Variants in CADM1 observed in about 807,000 individuals in gnomAD.
CADM1 encodes TSLC-1.
Under a neutral mutation model 53.1 loss-of-function variants are expected in CADM1, and 15 were observed. The observed-to-expected ratio is 0.28, with a 90% CI of 0.19 to 0.44. The LOEUF is 0.44. CADM1 is among the 20% of genes least tolerant of loss of function. The pLI is 1.00. For synonymous variants in CADM1, 281 were observed against 243.0 expected (o/e 1.16, Z -1.45); for missense variants, 434 against 611.3 (o/e 0.71, Z 3.06).
rs888755214 is a variant in CADM1 at position 115,175,814 on chromosome 11, T to A, written c.*660A>T. On this transcript the variant is annotated 3_prime_UTR_variant, in exon 12 of 12. Transcript: ENST00000331581. ...TCTGAATCACAGTCTAATTTTCTAG[T>A]CTTCACTGCTCTAAGTATTTGAAAC... The A allele has an allele frequency of 1.0e-6, 1 of 992,228 alleles. No homozygotes were observed. Among genetic ancestry groups the A allele is most frequent in the Non-Finnish European group, 1.2e-6 (1 of 833,978 alleles). 61.5% of individuals were successfully genotyped at this position (992,228 alleles called of 1,614,324 possible). A position where few individuals can be genotyped will look rare whatever the true frequency, so the allele number is the denominator to read the frequency against.
intron 1 of CADM1, among the ~76,000 whole-genome samples, chr11:115,443,470 T>C (rs1380397743): frequency 6.6e-6 from 1 of 152,182 alleles, no homozygotes. Flanking sequence ...GCATTGCCTC[T>C]CTCTGGAGTT....
chr11:115,387,395 T>G (rs553225680), intron 1 of CADM1, among the ~76,000 whole-genome samples: 1 of 151,440 alleles, frequency 6.6e-6, no homozygotes, highest in African/African-American at 2.4e-5. Context: ...GAAAGGAAAA[T>G]GAAGCAAAGG....
intron 1 of CADM1, among the ~76,000 whole-genome samples, chr11:115,449,392 G>T (rs1948522742): frequency 6.6e-6 from 1 of 152,130 alleles, no homozygotes; most frequent in Non-Finnish European, 1.5e-5. Flanking sequence ...GAGGCTCAAT[G>T]GTCTTACCAG....
intron 1 of CADM1, among the ~76,000 whole-genome samples, chr11:115,318,624 G>A (rs1157326187): frequency 6.6e-6 from 1 of 152,172 alleles, no homozygotes; most frequent in East Asian, 1.9e-4. Flanking sequence ...TGATCTTGTA[G>A]ATAGTGAAGA....
chr11:115,318,313 C>A (rs1473297991), intron 1 of CADM1, among the ~76,000 whole-genome samples: 1 of 152,084 alleles, frequency 6.6e-6, no homozygotes, highest in Non-Finnish European at 1.5e-5. Flanking sequence ...ATCTGTTGGC[C>A]TCATAAATAA....
chr11:115,439,316 A>G (rs1948255744), intron 1 of CADM1, among the ~76,000 whole-genome samples: 1 of 152,190 alleles, frequency 6.6e-6, no homozygotes, highest in South Asian at 2.1e-4. Context: ...TTTCAAGAAG[A>G]GCCTAGATAG....
chr11:115,309,991 A>T (rs1944487579), intron 1 of CADM1, among the ~76,000 whole-genome samples: 1 of 152,176 alleles, frequency 6.6e-6, no homozygotes, highest in African/African-American at 2.4e-5. Flanking sequence ...TAGTTAATGC[A>T]GAATGGCATG....
chr11:115,435,371 A>T (rs1401861601), intron 1 of CADM1, among the ~76,000 whole-genome samples: 2 of 152,188 alleles, frequency 1.3e-5, no homozygotes, highest in Non-Finnish European at 2.9e-5. Flanking sequence ...CTTGATCAAA[A>T]TCAAAAGAAT....
rs543467563 is a variant in CADM1 at position 115,482,072 on chromosome 11, T to C, written c.124+22199A>G. Among the ~76,000 whole-genome samples the C allele has an allele frequency of 1.8e-4, 27 of 152,294 alleles. 1 individual carries two copies. The South Asian group carries it at 5.4e-3, about 30-fold the overall frequency. ...TATTCCCCTCAGCCATAGCAAACTA[T>C]CTGCAGTTCCCAGAATCCCCCATGC... On this transcript the variant is annotated intron_variant, in intron 1 of 11. Transcript: ENST00000331581.
chr11:115,248,485 T>A (rs951031548), intron 1 of CADM1, among the ~76,000 whole-genome samples: 1 of 152,110 alleles, frequency 6.6e-6, no homozygotes, highest in African/African-American at 2.4e-5. Context: ...GTGACACCCA[T>A]CCACTAAACT....
At chr11:115,255,029 A>T (rs1437649417) in intron 1 of CADM1, among the ~76,000 whole-genome samples, 1 of 152,172 alleles carries the variant, frequency 6.6e-6, no homozygotes, top group South Asian at 2.1e-4. Flanking sequence ...TCAGGAGCTG[A>T]TAAGAGTCAG....
At chr11:115,242,983 C>T (rs1037819943) in intron 1 of CADM1, among the ~76,000 whole-genome samples, 1 of 152,144 alleles carries the variant, frequency 6.6e-6, no homozygotes, top group African/African-American at 2.4e-5. Context: ...GGCTACAGAA[C>T]ATGTATATAG....
chr11:115,362,017 G>A (rs1408802351), intron 1 of CADM1, among the ~76,000 whole-genome samples: 4 of 152,116 alleles, frequency 2.6e-5, no homozygotes, highest in African/African-American at 7.2e-5. Context: ...TGGGATTACA[G>A]GCGAGAGCCA....
At chr11:115,279,978 C>T (rs1438730340) in intron 1 of CADM1, among the ~76,000 whole-genome samples, 1 of 152,184 alleles carries the variant, frequency 6.6e-6, no homozygotes, top group African/African-American at 2.4e-5. Context: ...GAAAGCTAAG[C>T]CCCTTCTCAT....
intron 1 of CADM1, among the ~76,000 whole-genome samples, chr11:115,330,147 T>C (rs1341839026): frequency 1.3e-5 from 2 of 151,996 alleles, no homozygotes; most frequent in Non-Finnish European, 2.9e-5. Context: ...CACCCTCTTT[T>C]ACCCAGTATT....
chr11:115,239,290 G>C (rs1338970540), intron 2 of CADM1, among the ~76,000 whole-genome samples: 1 of 152,174 alleles, frequency 6.6e-6, no homozygotes, highest in African/African-American at 2.4e-5. Flanking sequence ...TATTTGACGT[G>C]ATTTGAGGTG....
At chr11:115,268,723 G>A (rs765791160) in intron 1 of CADM1, among the ~76,000 whole-genome samples, 5 of 152,186 alleles carry the variant, frequency 3.3e-5, no homozygotes, top group African/African-American at 1.2e-4. Context: ...GATGTGCTGC[G>A]AAGCGGCTTT....
rs759249150 is a variant in CADM1 at position 115,308,793 on chromosome 11, T to TCCTC, written c.125-68377_125-68374dup. Among the ~76,000 whole-genome samples the TCCTC allele has an allele frequency of 9.0e-5, 13 of 145,100 alleles. No individual in the cohort carries two copies. The East Asian group carries it at 2.5e-3, about 28-fold the overall frequency. ...CTCCTTCCCTCCCTCCCTTCATCCT[T>TCCTC]CCTCCCTCCCTCCCTCCCTTCCTTC... On this transcript the variant is annotated intron_variant, in intron 1 of 11. Coordinates refer to ENST00000331581, the MANE Select transcript of CADM1 (RefSeq NM_001301043.2).
chr11:115,332,210 G>C (rs1234613221), intron 1 of CADM1, among the ~76,000 whole-genome samples: 1 of 152,130 alleles, frequency 6.6e-6, no homozygotes, highest in African/African-American at 2.4e-5. Flanking sequence ...TCCCATACTG[G>C]AAAACAAGGA....
Sources: allele counts gnomAD v4.1 joint callset (sites outside exome capture counted in the v4.1 genomes callset), GRCh38; gene constraint gnomAD v4.1.1; transcripts MANE v1.5; gene names NCBI Gene and HGNC (gene_info 2026-07-23, HGNC 2026-07-21).